The following YWHAZ variants were observed in gnomAD, a reference collection of about 807,000 sequenced individuals.
The protein encoded by YWHAZ is 14-3-3 protein zeta/delta.
For missense variants in YWHAZ, 79 were observed against 284.8 expected, an observed-to-expected ratio of 0.28 and a Z score of 5.20; for synonymous variants, 87 against 103.6, an observed-to-expected ratio of 0.84 and a Z score of 0.97.
chr8:100,950,812 T>A (rs1312963728), intron 1 of YWHAZ: 2 of 168,454 alleles, frequency 1.2e-5, no homozygotes, highest in Non-Finnish European at 2.4e-5. Flanking sequence ...CCGGTGACCG[T>A]GTACAGCGTC....
At chr8:100,951,603 C>T (rs1367752804) in intron 1 of YWHAZ, 3 of 985,052 alleles carry the variant, frequency 3.0e-6, no homozygotes, top group East Asian at 2.3e-4. Context: ...GCCTCGTCCA[C>T]CTTCGGGAGC....
Position 100,922,390 on chromosome 8 carries a change from T to TTTTC in YWHAZ, c.678+1564_678+1565insGAAA, listed in dbSNP as rs1813086124. Reference sequence around the variant, plus strand: ...ATCAAAACCCTGGTTTTTTCTTTTCTTTTTTTTTTTTTTTGAGACAGAGTC... The same window carrying TTTTC: ...ATCAAAACCCTGGTTTTTTCTTTTCTTTTCTTTTTTTTTTTTTTGAGACAGAGTC... On this transcript the variant is annotated intron_variant, in intron 5 of 5. Coordinates refer to ENST00000395958, the MANE Select transcript of YWHAZ (RefSeq NM_145690.3). This position sits in a 1 kb window ranked among gnomAD's most constrained non-coding sequence, Gnocchi z 4.1. 1 of 118 alleles carries TTTTC rather than the reference T, an allele frequency of 8.5e-3. No homozygotes were observed. The highest frequency in any genetic ancestry group is 0.018 in the Non-Finnish European group (1 of 56). The allele number at this position is 118 out of a possible 1,614,324, so 0.0% of individuals were successfully genotyped here.
chr8:100,924,780 C>G lies in YWHAZ; in HGVS notation c.418+136G>C. On this transcript the variant is annotated intron_variant, in intron 3 of 5. Coordinates refer to ENST00000395958, the MANE Select transcript of YWHAZ (RefSeq NM_145690.3). This position sits in a 1 kb window ranked among gnomAD's most constrained non-coding sequence, Gnocchi z 5.7. ...GTATGAGGCAGTAGATGTGTATTCTCAGAACACAAAGAGCACTGCTACTCC... is the reference window on the plus strand; with the variant it reads ...GTATGAGGCAGTAGATGTGTATTCTGAGAACACAAAGAGCACTGCTACTCC... 9.1e-7 allele frequency: 1 copy of G among 1,093,644 alleles called. No homozygotes were observed. The highest frequency in any genetic ancestry group is 1.3e-6 in the Non-Finnish European group (1 of 769,974). 67.7% of individuals were successfully genotyped at this position (1,093,644 alleles called of 1,614,324 possible). A position where few individuals can be genotyped will look rare whatever the true frequency, so the allele number is the denominator to read the frequency against.
At chr8:100,933,438 A>G (rs898868341) in intron 2 of YWHAZ, among the ~76,000 whole-genome samples, 1 of 152,070 alleles carries the variant, frequency 6.6e-6, no homozygotes, top group African/African-American at 2.4e-5. Flanking sequence ...AGTGGTCGGC[A>G]TATCACTTTT....
chr8:100,940,297 C>T (rs1036294893), intron 2 of YWHAZ, among the ~76,000 whole-genome samples: 3 of 152,194 alleles, frequency 2.0e-5, no homozygotes, highest in South Asian at 2.1e-4. Flanking sequence ...GTAGTTAAAA[C>T]GCCTCATTTT....
chr8:100,918,681 T>C lies in YWHAZ; in HGVS notation c.*2012A>G, dbSNP rs3203463. 2 of 151,982 alleles carry C rather than the reference T, an allele frequency of 1.3e-5. No homozygotes were observed. Among genetic ancestry groups the C allele is most frequent in the Non-Finnish European group, 1.5e-5 (1 of 67,958 alleles). The allele number at this position is 151,982 out of a possible 1,614,324, so 9.4% of individuals were successfully genotyped here. On this transcript the variant is annotated 3_prime_UTR_variant, in exon 6 of 6. Coordinates refer to ENST00000395958, the MANE Select transcript of YWHAZ (RefSeq NM_145690.3). ...CATAATAAAACAAGCAACAAAACAG[T>C]GTTTGGGATTTCAGTTTCTCACCCT...
At chr8:100,936,910 G>A (rs867501781) in intron 2 of YWHAZ, among the ~76,000 whole-genome samples, 2 of 152,052 alleles carry the variant, frequency 1.3e-5, no homozygotes, top group African/African-American at 2.4e-5. Context: ...AATCATTAGA[G>A]GCAAAGACTA....
rs762820977 is a variant in YWHAZ, at chr8:100,924,949, A to G, written c.385T>C (p.Leu129=). 24 of 1,613,244 alleles carry G rather than the reference A, an allele frequency of 1.5e-5. 1 individual carries two copies. In the Middle Eastern group the frequency reaches 2.4e-3, roughly 161 times the overall value. The change falls in exon 3 of 6, where the codon TTG becomes CTG. Residue 129 remains leucine (L), a synonymous_variant. Coordinates refer to ENST00000395958, the MANE Select transcript of YWHAZ (RefSeq NM_145690.3). The surrounding 1 kb of genome is among the most constrained non-coding windows in gnomAD (Gnocchi z 5.7). ...TCATCACCAGCGGCAACCTCAGCCA[A>G]GTAACGGTAGTAATCTCCTTTCATT... The part of the protein sequence containing the change: ...LKMKGDYYRY[L]AEVAAGDDKK...
At chr8:100,937,318 T>A (rs916894740) in intron 2 of YWHAZ, among the ~76,000 whole-genome samples, 3 of 152,042 alleles carry the variant, frequency 2.0e-5, no homozygotes, top group African/African-American at 7.2e-5. Context: ...ATGTGGCTGA[T>A]ACTACTTTTG....
intron 2 of YWHAZ, among the ~76,000 whole-genome samples, chr8:100,947,756 G>A (rs1047707276): frequency 3.3e-5 from 5 of 152,156 alleles, no homozygotes; most frequent in African/African-American, 1.2e-4. Flanking sequence ...GAAAAATCGA[G>A]ATGCTGCCCC....
chr8:100,933,308 G>A (rs1813888141), intron 2 of YWHAZ, among the ~76,000 whole-genome samples: 1 of 151,426 alleles, frequency 6.6e-6, no homozygotes, highest in Non-Finnish European at 1.5e-5. Flanking sequence ...GCAGTGAGCC[G>A]AGATTGTGCC....
At chr8:100,932,419 T>C (rs1169909267) in intron 2 of YWHAZ, among the ~76,000 whole-genome samples, 1 of 152,192 alleles carries the variant, frequency 6.6e-6, no homozygotes, top group African/African-American at 2.4e-5. Context: ...ACTACCTCTA[T>C]AAATAGGTAC....
At chr8:100,950,360 G>A in intron 1 of YWHAZ, 1 of 984,930 alleles carries the variant, frequency 1.0e-6, no homozygotes, top group Non-Finnish European at 1.2e-6. Context: ...CCAAGGCCTC[G>A]CCTCTACACT....
chr8:100,951,121 C>T, intron 1 of YWHAZ: 1 of 977,668 alleles, frequency 1.0e-6, no homozygotes, highest in South Asian at 4.7e-5. Context: ...CAAGTCCTTC[C>T]TCCCACCGCG....
chr8:100,950,485 C>T (rs1432737786), intron 1 of YWHAZ: 1 of 985,446 alleles, frequency 1.0e-6, no homozygotes, highest in African/African-American at 1.7e-5. Context: ...GTCCGCGTAT[C>T]GCAACCACCC....
At chr8:100,951,679 G>C (rs1476288234) in intron 1 of YWHAZ, 1 of 985,270 alleles carries the variant, frequency 1.0e-6, no homozygotes, top group African/African-American at 1.7e-5. Context: ...GGGCAGGACG[G>C]GGGAGCGAGC....
Position 100,948,923 on chromosome 8 carries a change from A to C in YWHAZ, c.-11-23T>G, listed in dbSNP as rs1244991550. On this transcript the variant is annotated intron_variant, in intron 1 of 5. Transcript: ENST00000395958. This position sits in a 1 kb window ranked among gnomAD's most constrained non-coding sequence, Gnocchi z 4.2. Reference sequence around the variant, plus strand: ...GTTCTGCAGGGGGGAAAAAAGGAGTATTTAAAATTTTTCCCATCAAAATAA... The same window carrying C: ...GTTCTGCAGGGGGGAAAAAAGGAGTCTTTAAAATTTTTCCCATCAAAATAA... 1 of 1,545,500 alleles carries C rather than the reference A, an allele frequency of 6.5e-7. No individual in the cohort carries two copies. Among genetic ancestry groups the C allele is most frequent in the East Asian group, 2.3e-5 (1 of 44,348 alleles).
At position 100,951,918 on chromosome 8, in the gene YWHAZ, G is replaced by A. The variant is rs1810819516; in HGVS notation, c.-12+11C>T. On this transcript the variant is annotated intron_variant, in intron 1 of 5. Transcript: ENST00000395958. ...CAGGAAGCGAGGCGCGGCGGCGGCCGGGTTCCTCACCTGTGTCCGGAGTGG... is the reference window on the plus strand; with the variant it reads ...CAGGAAGCGAGGCGCGGCGGCGGCCAGGTTCCTCACCTGTGTCCGGAGTGG... 1.0e-6 allele frequency: 1 copy of A among 995,730 alleles called. No homozygotes were observed. Among genetic ancestry groups the A allele is most frequent in the Non-Finnish European group, 1.2e-6 (1 of 836,312 alleles). 61.7% of individuals were successfully genotyped at this position (995,730 alleles called of 1,614,324 possible).
rs1812726244 is a variant in YWHAZ, at chr8:100,916,647, A to G, written c.*4046T>C. 1 of 152,278 alleles carries G rather than the reference A, an allele frequency of 6.6e-6. No individual in the cohort carries two copies. The highest frequency in any genetic ancestry group is 1.5e-5 in the Non-Finnish European group (1 of 68,048). 9.4% of individuals were successfully genotyped at this position (152,278 alleles called of 1,614,324 possible). ...AAGACCAGTTAGGTTTGGACTTTCA[A>G]GGAATGAACTCAAATATGATCAAAT... On this transcript the variant is annotated 3_prime_UTR_variant, in exon 6 of 6. Coordinates refer to ENST00000395958, the MANE Select transcript of YWHAZ (RefSeq NM_145690.3).
Sources: gnomAD v4.1 joint callset for allele counts (sites outside exome capture counted in the v4.1 genomes callset) on GRCh38, gnomAD v4.1.1 for gene constraint, Gnocchi (gnomAD v3.1) non-coding constraint, MANE v1.5 for transcripts, NCBI Gene and HGNC (gene_info 2026-07-23, HGNC 2026-07-21) for gene names.